Variants in SUSD6 observed in about 807,000 individuals in gnomAD.
The protein encoded by SUSD6 is sushi domain containing 6.
Under a neutral mutation model 28.4 loss-of-function variants are expected in SUSD6, and 16 were observed. The ratio of observed to expected loss-of-function variants is 0.56; its 90% CI spans 0.38 to 0.86. The LOEUF (loss-of-function observed/expected upper bound fraction) is 0.86, where lower values mean the gene tolerates loss of function less well. Ranked by LOEUF, SUSD6 falls within the 40% of genes least tolerant of loss-of-function variation. SUSD6 has a pLI of 0.00. For missense variants in SUSD6, 341 were observed against 384.2 expected (o/e 0.89, Z 0.94); for synonymous variants, 147 against 159.6 (o/e 0.92, Z 0.59).
chr14:69,618,077 T>C (rs892696749), intron 1 of SUSD6, among the ~76,000 whole-genome samples: 1 of 152,186 alleles, frequency 6.6e-6, no homozygotes, highest in African/African-American at 2.4e-5. Flanking sequence ...ACCATATTAA[T>C]GAAATAATGC....
chr14:69,696,081 A>G (rs1440945705), intron 2 of SUSD6, among the ~76,000 whole-genome samples: 1 of 152,216 alleles, frequency 6.6e-6, no homozygotes, highest in African/African-American at 2.4e-5. Context: ...GAGCACATCA[A>G]ATGGGGAAAT....
intron 1 of SUSD6, among the ~76,000 whole-genome samples, chr14:69,620,764 G>C (rs1427738788): frequency 2.6e-5 from 4 of 152,136 alleles, no homozygotes; most frequent in African/African-American, 9.7e-5. Flanking sequence ...CCTGTTTCTT[G>C]CTTTATTTAA....
chr14:69,693,927 C>T (rs1322164563), intron 2 of SUSD6, among the ~76,000 whole-genome samples: 2 of 152,250 alleles, frequency 1.3e-5, no homozygotes, highest in African/African-American at 4.8e-5. Context: ...GAGAGGGATG[C>T]TCTTTGCCGT....
chr14:69,644,612 C>T (rs1011762680), intron 1 of SUSD6, among the ~76,000 whole-genome samples: 8 of 151,496 alleles, frequency 5.3e-5, no homozygotes, highest in South Asian at 2.1e-4. Flanking sequence ...CACTGCACTC[C>T]AGCCTTGCGA....
chr14:69,684,528 A>G (rs1183824780), intron 2 of SUSD6, among the ~76,000 whole-genome samples: 2 of 152,258 alleles, frequency 1.3e-5, no homozygotes, highest in African/African-American at 4.8e-5. Context: ...AATTATTGCC[A>G]AGGGAGATAC....
intron 1 of SUSD6, among the ~76,000 whole-genome samples, chr14:69,646,700 CTTTTTTTTT>C (rs61409476): frequency 1.8e-5 from 2 of 109,208 alleles, no homozygotes; most frequent in South Asian, 3.1e-4. Flanking sequence ...TTTTTTCCAT[CTTTTTTTTT>C]TTTTTTTTTT....
intron 2 of SUSD6, among the ~76,000 whole-genome samples, chr14:69,676,276 G>T (rs1185344782): frequency 6.6e-6 from 1 of 152,160 alleles, no homozygotes; most frequent in Non-Finnish European, 1.5e-5. Flanking sequence ...GACTACCTCA[G>T]ACTCGGGGAT....
intron 1 of SUSD6, among the ~76,000 whole-genome samples, chr14:69,640,330 T>C (rs1885333576): frequency 6.6e-6 from 1 of 151,878 alleles, no homozygotes; most frequent in African/African-American, 2.4e-5. Context: ...CACACACATA[T>C]AATATATAAT....
Position 69,711,039 on chromosome 14 carries a change from T to G in SUSD6, c.*60T>G. ...TCTCAGCCCTTCCTCCCTCTCCCTG[T>G]GGGATTGAGCACCCTGTACTCTCCA... On this transcript the variant is annotated 3_prime_UTR_variant, in exon 6 of 6. Transcript: ENST00000342745. 1 of 1,544,226 alleles carries G rather than the reference T, an allele frequency of 6.5e-7. No homozygotes were observed. Among genetic ancestry groups the G allele is most frequent in the Non-Finnish European group, 9.0e-7 (1 of 1,116,326 alleles).
At chr14:69,647,891 G>A (rs574146478) in intron 1 of SUSD6, among the ~76,000 whole-genome samples, 10 of 152,074 alleles carry the variant, frequency 6.6e-5, no homozygotes, top group Non-Finnish European at 1.3e-4. Flanking sequence ...TGGCTGAGGC[G>A]TGAGAATCAC....
At chr14:69,682,242 C>T (rs1030116286) in intron 2 of SUSD6, among the ~76,000 whole-genome samples, 7 of 151,884 alleles carry the variant, frequency 4.6e-5, no homozygotes, top group African/African-American at 7.3e-5. Context: ...GAGGCTGAGG[C>T]GGGAGGATCT....
intron 1 of SUSD6, among the ~76,000 whole-genome samples, chr14:69,656,755 G>C (rs1885589516): frequency 2.0e-5 from 3 of 152,232 alleles, no homozygotes; most frequent in Admixed American, 2.0e-4. Flanking sequence ...GGCTAAGAGA[G>C]GTTATATGAC....
chr14:69,686,911 T>C (rs1007085642), intron 2 of SUSD6, among the ~76,000 whole-genome samples: 16 of 152,226 alleles, frequency 1.1e-4, no homozygotes, highest in Admixed American at 9.2e-4. Flanking sequence ...TCCCCACATG[T>C]TGTACTCATT....
chr14:69,625,785 C>T (rs1002494971), intron 1 of SUSD6, among the ~76,000 whole-genome samples: 1 of 152,204 alleles, frequency 6.6e-6, no homozygotes, highest in African/African-American at 2.4e-5. Context: ...GGGCTCAGTT[C>T]TCTGAACTCT....
chr14:69,704,893 T>A, intron 4 of SUSD6, 151 bp downstream of exon 4: 1 of 715,836 alleles, frequency 1.4e-6, no homozygotes, highest in South Asian at 1.8e-5. Flanking sequence ...GTCAAACTCC[T>A]AGATGTGCCT....
intron 1 of SUSD6, among the ~76,000 whole-genome samples, chr14:69,641,549 G>A (rs577625513): frequency 5.1e-4 from 78 of 151,866 alleles, no homozygotes; most frequent in African/African-American, 1.2e-3. Flanking sequence ...TTTTATTTCA[G>A]GTATTGGTAT....
chr14:69,612,066 G>A (rs957390807), intron 1 of SUSD6, among the ~76,000 whole-genome samples: 4 of 150,468 alleles, frequency 2.7e-5, no homozygotes, highest in African/African-American at 7.3e-5. Context: ...AGCAGTGGGG[G>A]CTGCGCGGCC....
At chr14:69,637,230 C>T (rs1885277679) in intron 1 of SUSD6, among the ~76,000 whole-genome samples, 1 of 152,130 alleles carries the variant, frequency 6.6e-6, no homozygotes, top group Admixed American at 6.5e-5. Context: ...CTTAGACTGC[C>T]GCTTGCCCCA....
chr14:69,669,083 G>A (rs181128272), intron 2 of SUSD6, among the ~76,000 whole-genome samples: 1,053 of 50,584 alleles, frequency 0.021, 12 homozygotes, highest in African/African-American at 0.069. Context: ...TTTTTTTTTT[G>A]AGACAGAGTC....
Sources: allele counts gnomAD v4.1 joint callset (sites outside exome capture counted in the v4.1 genomes callset), GRCh38; gene constraint gnomAD v4.1.1; transcripts MANE v1.5; gene names NCBI Gene and HGNC (gene_info 2026-07-23, HGNC 2026-07-21).